The following GFRA2 variants were observed in gnomAD, a reference collection of about 807,000 sequenced individuals.
GFRA2 encodes GDNF family receptor alpha 2, also known as GDNF family receptor alpha-2.
GFRA2 carries 17 observed loss-of-function variants against 48.3 expected under a neutral mutation model. That is an observed-to-expected ratio of 0.35 (90% CI 0.24 to 0.53). The LOEUF is 0.53. Ranked by LOEUF, GFRA2 falls within the 20% of genes least tolerant of loss-of-function variation. The probability of loss-of-function intolerance (pLI) is 0.93; values close to 1 mark genes in which losing one functional copy is unlikely to be tolerated. For missense variants in GFRA2, 660 were observed against 637.3 expected (o/e 1.04, Z -0.38); for synonymous variants, 305 against 257.2 (o/e 1.19, Z -1.78).
intron 1 of GFRA2, among the ~76,000 whole-genome samples, chr8:21,783,791 C>T (rs1206967284): frequency 6.6e-6 from 1 of 151,954 alleles, no homozygotes; most frequent in Non-Finnish European, 1.5e-5. Flanking sequence ...TCTCTCCTCC[C>T]CACTCTAGCT....
At chr8:21,694,403 G>A (rs1802052155) in intron 8 of GFRA2, 61 bp downstream of exon 8, 1 of 1,499,826 alleles carries the variant, frequency 6.7e-7, no homozygotes, top group Non-Finnish European at 9.1e-7. Context: ...GCTCGCCGGG[G>A]AAATGCCGCC....
intron 8 of GFRA2, among the ~76,000 whole-genome samples, chr8:21,693,708 G>A (rs560701836): frequency 1.6e-4 from 24 of 152,178 alleles, no homozygotes; most frequent in Middle Eastern, 3.4e-3. Flanking sequence ...GAGGACCTGC[G>A]TCCCAGTGAG....
At chr8:21,717,183 G>A (rs200711779) in intron 4 of GFRA2, among the ~76,000 whole-genome samples, 1 of 152,190 alleles carries the variant, frequency 6.6e-6, no homozygotes, top group East Asian at 1.9e-4. Flanking sequence ...AGCACTTCAA[G>A]GAGAGCAACT....
chr8:21,801,102 C>T lies in GFRA2; in HGVS notation c.-36+3915G>A, dbSNP rs370167359. ...GACAACTCATTAAAACAAATCCCTG[C>T]TGCAGAAGGGCCTCCACATCCCATC... On this transcript the variant is annotated intron_variant, in intron 2 of 10. Coordinates refer to the GFRA2 transcript ENST00000517328. Among the ~76,000 whole-genome samples the T allele has an allele frequency of 7.4e-4, 112 of 152,228 alleles. No homozygotes were observed. The South Asian group carries it at 0.022, about 30-fold the overall frequency.
chr8:21,704,072 T>A (rs1434280382), intron 6 of GFRA2, among the ~76,000 whole-genome samples: 1 of 152,210 alleles, frequency 6.6e-6, no homozygotes, highest in Non-Finnish European at 1.5e-5. Flanking sequence ...TCCAGATAAC[T>A]CTTGCCACTC....
At position 21,738,903 on chromosome 8, in the gene GFRA2, A is replaced by T. The variant is rs538811362; in HGVS notation, c.794+11685T>A. ...GCTCCACGAAAGGCCTCCTGAATGG[A>T]CTCCAGAGCTTCCATGGAGGTGCTA... On this transcript the variant is annotated intron_variant, in intron 4 of 8. Coordinates refer to ENST00000524240, the MANE Select transcript of GFRA2 (RefSeq NM_001495.5). 2.0e-5 allele frequency among the ~76,000 whole-genome samples: 3 copies of T among 152,152 alleles called. No individual in the cohort carries two copies. In the East Asian group the frequency reaches 5.8e-4, roughly 29 times the overall value.
At chr8:21,774,449 A>T (rs2117704799) in intron 3 of GFRA2, among the ~76,000 whole-genome samples, 1 of 152,302 alleles carries the variant, frequency 6.6e-6, no homozygotes, top group East Asian at 1.9e-4. Flanking sequence ...GGGAAAACCC[A>T]GGGCAGAACA....
At chr8:21,784,175 A>C (rs1408581029) in intron 1 of GFRA2, 12 of 403,858 alleles carry the variant, frequency 3.0e-5, no homozygotes, top group Admixed American at 1.1e-4. Context: ...GGTGAACGGC[A>C]GGGACAGGCT....
intron 7 of GFRA2, 150 bp from the exon 8 acceptor site, chr8:21,694,667 C>T (rs1802067815): frequency 2.8e-6 from 2 of 723,938 alleles, no homozygotes; most frequent in Non-Finnish European, 4.7e-6. Context: ...CAATTCCACC[C>T]AGCACAAAAG....
In GFRA2 at chr8:21,780,675, C is replaced by T. The variant is rs367721383; in HGVS notation, c.355+1910G>A. 1.3e-3 allele frequency among the ~76,000 whole-genome samples: 199 copies of T among 152,284 alleles called. No individual in the cohort carries two copies. In the East Asian group the frequency reaches 0.025, roughly 19 times the overall value. ...AGATTCCCCATCCCCCTGCCCTCCC[C>T]TCTCCACTCTAAGACTGGCCTGATT... On this transcript the variant is annotated intron_variant, in intron 2 of 8. Coordinates refer to ENST00000524240, the MANE Select transcript of GFRA2 (RefSeq NM_001495.5).
intron 2 of GFRA2, among the ~76,000 whole-genome samples, chr8:21,797,156 T>C (rs370907837): frequency 0.016 from 2,446 of 152,312 alleles, 70 homozygotes; most frequent in African/African-American, 0.056. Context: ...ACTTTTTAAT[T>C]TTAAGAACAA....
At chr8:21,759,932 C>T (rs1256255310) in intron 3 of GFRA2, among the ~76,000 whole-genome samples, 1 of 150,780 alleles carries the variant, frequency 6.6e-6, no homozygotes, top group African/African-American at 2.4e-5. Flanking sequence ...AAGAGAGGGG[C>T]CTTTCCGAGG....
At chr8:21,776,253 G>A (rs1471778623) in intron 2 of GFRA2, among the ~76,000 whole-genome samples, 1 of 152,076 alleles carries the variant, frequency 6.6e-6, no homozygotes, top group African/African-American at 2.4e-5. Flanking sequence ...CTAGCCCCCT[G>A]CAGGCTCACC....
chr8:21,733,845 G>A (rs1804318976), intron 4 of GFRA2, among the ~76,000 whole-genome samples: 1 of 152,194 alleles, frequency 6.6e-6, no homozygotes, highest in African/African-American at 2.4e-5. Flanking sequence ...TTGTCTGGCA[G>A]AGACTCCTCC....
At chr8:21,745,854 G>A (rs1804978727) in intron 4 of GFRA2, among the ~76,000 whole-genome samples, 1 of 152,156 alleles carries the variant, frequency 6.6e-6, no homozygotes, top group Non-Finnish European at 1.5e-5. Context: ...TGGTGAGAAG[G>A]GCCCTTCAAA....
At chr8:21,741,538 G>T (rs940163703) in intron 4 of GFRA2, among the ~76,000 whole-genome samples, 2 of 152,070 alleles carry the variant, frequency 1.3e-5, no homozygotes, top group Non-Finnish European at 2.9e-5. Context: ...AGCTCCAAGG[G>T]GGCAGAGACC....
chr8:21,776,309 G>A (rs1388740966), intron 2 of GFRA2, among the ~76,000 whole-genome samples: 1 of 151,856 alleles, frequency 6.6e-6, no homozygotes, highest in Non-Finnish European at 1.5e-5. Flanking sequence ...CCAAGAAATG[G>A]GGCAGCCCCA....
chr8:21,694,175 G>A (rs554357786), intron 8 of GFRA2, among the ~76,000 whole-genome samples: 3 of 149,824 alleles, frequency 2.0e-5, no homozygotes, highest in African/African-American at 4.9e-5. Context: ...CAACAGTGCC[G>A]AGCAGGTGGT....
chr8:21,790,221 C>T, upstream of GFRA2: 1 of 321,170 alleles, frequency 3.1e-6, no homozygotes, highest in Non-Finnish European at 4.5e-6. Context: ...CGAGGGCTCA[C>T]ACCCACGCAG....
Sources: allele counts gnomAD v4.1 joint callset (sites outside exome capture counted in the v4.1 genomes callset), GRCh38; gene constraint gnomAD v4.1.1; transcripts MANE v1.5; gene names NCBI Gene and HGNC (gene_info 2026-07-23, HGNC 2026-07-21).